The following TNIP1 variants were observed in gnomAD, a reference collection of about 807,000 sequenced individuals.
TNIP1 encodes TNFAIP3-interacting protein 1.
In TNIP1, 22 loss-of-function variants were observed where a neutral mutation model predicts 86.6. That is an observed-to-expected ratio of 0.25 (90% CI 0.18 to 0.36). The LOEUF is 0.36. Among genes scored for constraint, TNIP1 ranks in the 10% least tolerant of loss-of-function variants. The pLI, the probability that TNIP1 is intolerant of heterozygous loss-of-function variation, is 1.00. For missense variants in TNIP1, 709 were observed against 820.6 expected (o/e 0.86, Z 1.66); for synonymous variants, 294 against 313.0 (o/e 0.94, Z 0.64).
At chr5:151,043,871 A>G (rs1016205298) in intron 9 of TNIP1, among the ~76,000 whole-genome samples, 1 of 152,222 alleles carries the variant, frequency 6.6e-6, no homozygotes, top group Non-Finnish European at 1.5e-5. Context: ...TACTCTTGAT[A>G]TAACAATTCC....
At position 151,039,147 on chromosome 5, in the gene TNIP1, G is replaced by T; in HGVS notation, c.1213C>A (p.Leu405Ile). 1 of 1,614,106 alleles carries T rather than the reference G, an allele frequency of 6.2e-7. No homozygotes were observed. ...TCCTGGTACTCACGCTGTCGGGTGAGTGGGCTCAGCTGATCCTGCAGGTAC... is the reference window on the plus strand; with the variant it reads ...TCCTGGTACTCACGCTGTCGGGTGATTGGGCTCAGCTGATCCTGCAGGTAC... ...VKYLQDQLSP[L>I]TRQREYQEKE... The change falls in exon 12 of 18, where the codon CTC becomes ATC. Residue 405 changes from leucine to isoleucine, a missense_variant. Physicochemically the swap from Leu to Ile is conservative, Grantham distance 5. Coordinates refer to ENST00000521591, the MANE Select transcript of TNIP1 (RefSeq NM_006058.5).
chr5:151,064,832 G>T lies in TNIP1; in HGVS notation c.136+128C>A, dbSNP rs556601384. The T allele has an allele frequency of 4.7e-5, 64 of 1,368,414 alleles. No homozygotes were observed. In the Admixed American group the frequency reaches 9.7e-4, roughly 21 times the overall value. The allele number at this position is 1,368,414 out of a possible 1,614,324, so 84.8% of individuals were successfully genotyped here. A position where few individuals can be genotyped will look rare whatever the true frequency, so the allele number is the denominator to read the frequency against. ...GCTGTGAGGCAGGAGCCAGCGCTGG[G>T]CCAGGAGGGACAGGGGATGACTTGG... On this transcript the variant is annotated intron_variant, in intron 2 of 17. Coordinates refer to ENST00000521591, the MANE Select transcript of TNIP1 (RefSeq NM_006058.5).
chr5:151,057,003 G>A, intron 5 of TNIP1, 46 bp from the exon 6 acceptor site: 1 of 1,376,184 alleles, frequency 7.3e-7, no homozygotes, highest in African/African-American at 1.5e-5. Context: ...CAAGGCCTGA[G>A]TAGGCGCCGC....
intron 8 of TNIP1, among the ~76,000 whole-genome samples, chr5:151,048,113 C>T (rs1466828911): frequency 1.3e-5 from 2 of 152,168 alleles, no homozygotes; most frequent in Non-Finnish European, 2.9e-5. Context: ...GACAGACAGG[C>T]CTGCCCACTT....
At chr5:151,072,696 C>G (rs555618064) in intron 1 of TNIP1, among the ~76,000 whole-genome samples, 96 of 152,316 alleles carry the variant, frequency 6.3e-4, no homozygotes, top group Non-Finnish European at 8.5e-4. Flanking sequence ...AACCCTCTAC[C>G]CCACACTATC....
chr5:151,042,720 T>G (rs1406228970), intron 10 of TNIP1, 49 bp from the exon 11 acceptor site: 3 of 1,609,626 alleles, frequency 1.9e-6, no homozygotes, highest in Non-Finnish European at 2.5e-6. Context: ...TGTAGAGCAC[T>G]TGCAGGATGT....
intron 13 of TNIP1, among the ~76,000 whole-genome samples, chr5:151,035,988 T>C (rs1317474581): frequency 6.6e-6 from 1 of 152,226 alleles, no homozygotes; most frequent in South Asian, 2.1e-4. Flanking sequence ...TGCAATCCTT[T>C]CACTCCGCTG....
chr5:151,056,799 C>T lies in TNIP1; in HGVS notation c.594G>A (p.Val198=). Residue 198 remains valine (V), a synonymous_variant, in exon 6 of 18, where the codon GTG becomes GTA. Coordinates refer to ENST00000521591, the MANE Select transcript of TNIP1 (RefSeq NM_006058.5). ...ALEFNRLASK[V]HKNEQRTSIL... is the part of the protein sequence containing the mutation. ...TGGAGGTGCGCTGCTCATTCTTGTG[C>T]ACCTTGGATGCCAGTCGGTTGAACT... The T allele has an allele frequency of 6.4e-7, 1 of 1,569,518 alleles. No homozygotes were observed. The highest frequency in any genetic ancestry group is 8.6e-7 in the Non-Finnish European group (1 of 1,157,066).
chr5:151,055,225 T>C (rs1410180996), intron 6 of TNIP1, among the ~76,000 whole-genome samples: 1 of 150,666 alleles, frequency 6.6e-6, no homozygotes, highest in Non-Finnish European at 1.5e-5. Context: ...GCAGAGAGTA[T>C]AAGAAAAAAA....
intron 5 of TNIP1, among the ~76,000 whole-genome samples, chr5:151,057,230 T>C (rs1760788456): frequency 6.6e-6 from 1 of 152,210 alleles, no homozygotes; most frequent in Non-Finnish European, 1.5e-5. Flanking sequence ...AGTAAGTCAC[T>C]TGTCTGCTGG....
intron 9 of TNIP1, among the ~76,000 whole-genome samples, chr5:151,045,199 C>T (rs1406103009): frequency 6.6e-6 from 1 of 152,102 alleles, no homozygotes; most frequent in African/African-American, 2.4e-5. Context: ...TCAAGTAATT[C>T]TCCCTGCCTC....
At chr5:151,050,675 C>T (rs1035221132) in intron 7 of TNIP1, among the ~76,000 whole-genome samples, 1 of 151,924 alleles carries the variant, frequency 6.6e-6, no homozygotes, top group Admixed American at 6.6e-5. Context: ...GTTCTGTCAC[C>T]CAGGCTGGAG....
At chr5:151,081,572 A>G (rs1004532062), upstream of TNIP1, among the ~76,000 whole-genome samples, 10 of 152,224 alleles carry the variant, frequency 6.6e-5, no homozygotes, top group African/African-American at 2.4e-4. Context: ...TTTTTGCTCC[A>G]GACATTGTAA....
intron 9 of TNIP1, among the ~76,000 whole-genome samples, chr5:151,044,633 G>C (rs1418208261): frequency 6.6e-6 from 1 of 152,222 alleles, no homozygotes; most frequent in Non-Finnish European, 1.5e-5. Flanking sequence ...GGGAGGACAA[G>C]GGGAGGCAGG....
At chr5:151,078,825 G>A (rs1763679426) in intron 1 of TNIP1, among the ~76,000 whole-genome samples, 1 of 152,212 alleles carries the variant, frequency 6.6e-6, no homozygotes, top group African/African-American at 2.4e-5. Context: ...AGCGGGTACA[G>A]GAGTAAAACA....
chr5:151,071,034 G>A (rs1220929622), intron 1 of TNIP1, among the ~76,000 whole-genome samples: 2 of 152,052 alleles, frequency 1.3e-5, no homozygotes, highest in Admixed American at 6.5e-5. Context: ...TTAGGGGTGG[G>A]GGGGGCGCAG....
At chr5:151,087,345 G>A (rs1003914217), upstream of TNIP1, among the ~76,000 whole-genome samples, 2 of 152,172 alleles carry the variant, frequency 1.3e-5, no homozygotes, top group African/African-American at 4.8e-5. Flanking sequence ...GCTGTCCCGT[G>A]CTGTGAATTC....
At chr5:151,038,776 T>G (rs1286853643) in intron 12 of TNIP1, among the ~76,000 whole-genome samples, 1 of 152,076 alleles carries the variant, frequency 6.6e-6, no homozygotes, top group Admixed American at 6.6e-5. Flanking sequence ...CTCAGGAGCA[T>G]AGACCAGGGC....
In TNIP1 at chr5:151,049,993, A is replaced by G. The variant is rs1215189757; in HGVS notation, c.723-46T>C. The G allele has an allele frequency of 1.1e-5, 17 of 1,611,860 alleles. No individual in the cohort carries two copies. The Admixed American group carries it at 2.7e-4, about 25-fold the overall frequency. ...GAAATCACAATGCTGACCCTGAGTT[A>G]AGAAACCTACAGGGCTCCTTAATGC... On this transcript the variant is annotated intron_variant, in intron 7 of 17. Coordinates refer to ENST00000521591, the MANE Select transcript of TNIP1 (RefSeq NM_006058.5).
Sources: gnomAD v4.1 joint callset for allele counts (sites outside exome capture counted in the v4.1 genomes callset) on GRCh38, gnomAD v4.1.1 for gene constraint, MANE v1.5 for transcripts, NCBI Gene and HGNC (gene_info 2026-07-23, HGNC 2026-07-21) for gene names.